Variants in POGLUT1 observed in about 807,000 individuals in gnomAD.
POGLUT1 encodes 9630046K23Rik.
In POGLUT1, 32 loss-of-function variants were observed where a neutral mutation model predicts 61.3. The observed-to-expected ratio is 0.52, with a 90% CI of 0.39 to 0.70. The LOEUF is 0.70. POGLUT1 is among the 30% of genes least tolerant of loss of function. The pLI is 0.00. For synonymous variants in POGLUT1, 158 were observed against 158.2 expected (o/e 1.00, Z 0.01); for missense variants, 411 against 469.8 (o/e 0.87, Z 1.16).
intron 3 of POGLUT1, among the ~76,000 whole-genome samples, chr3:119,472,537 A>G (rs192837606): frequency 3.1e-4 from 47 of 152,136 alleles, no homozygotes; most frequent in African/African-American, 1.1e-3. Flanking sequence ...ACCAACATGG[A>G]GAAACCCTGT....
intron 9 of POGLUT1, among the ~76,000 whole-genome samples, chr3:119,491,257 AT>A (rs1482728705): frequency 1.3e-5 from 2 of 148,420 alleles, no homozygotes; most frequent in East Asian, 3.9e-4. Flanking sequence ...AATATACAAA[AT>A]ATATGTAAAT....
intron 2 of POGLUT1, among the ~76,000 whole-genome samples, chr3:119,470,295 G>A (rs146394205): frequency 6.6e-6 from 1 of 152,190 alleles, no homozygotes; most frequent in African/African-American, 2.4e-5. Context: ...TGCACATCAG[G>A]CTGGGCATGG....
At chr3:119,471,522 A>C in intron 3 of POGLUT1, 70 bp downstream of exon 3, 1 of 1,391,984 alleles carries the variant, frequency 7.2e-7, no homozygotes, top group East Asian at 2.3e-5. Flanking sequence ...TTTATAGAGG[A>C]GCCAATTCAT....
intron 10 of POGLUT1, 146 bp from the exon 11 acceptor site, chr3:119,492,136 G>A (rs1189470020): frequency 1.1e-5 from 5 of 454,790 alleles, no homozygotes; most frequent in Non-Finnish European, 1.9e-5. Context: ...GGATATGATT[G>A]CCATAGGGTT....
At chr3:119,481,897 G>C (rs1560035537) in intron 5 of POGLUT1, among the ~76,000 whole-genome samples, 1 of 151,958 alleles carries the variant, frequency 6.6e-6, no homozygotes. Flanking sequence ...TTTTGAGAGG[G>C]GGGGAAAAAG....
chr3:119,475,544 GGCT>G (rs2081524734), intron 3 of POGLUT1, among the ~76,000 whole-genome samples: 1 of 152,186 alleles, frequency 6.6e-6, no homozygotes, highest in African/African-American at 2.4e-5. Context: ...TGGGTGAGGT[GGCT>G]CACGCCTGTT....
Position 119,471,416 on chromosome 3 carries a change from G to GA in POGLUT1, c.285dup (p.Leu96ThrfsTer6). On this transcript the variant is annotated frameshift_variant, in exon 3 of 11. Transcript: ENST00000295588. LOFTEE classifies it high-confidence loss of function. ...ACCCACTATCAGATCACTAAGAACA[G>GA]ACTGTACCGGGAAAATGACTGCATG... 6.2e-7 allele frequency: 1 copy of GA among 1,614,090 alleles called. No homozygotes were observed. Among genetic ancestry groups the GA allele is most frequent in the Non-Finnish European group, 8.5e-7 (1 of 1,179,952 alleles).
At chr3:119,479,037 C>A (rs2081576343) in intron 4 of POGLUT1, among the ~76,000 whole-genome samples, 1 of 152,140 alleles carries the variant, frequency 6.6e-6, no homozygotes. Context: ...TGATTCTCCA[C>A]CTCAGCCTCC....
chr3:119,488,378 G>C (rs924399917), intron 7 of POGLUT1: 1 of 152,034 alleles, frequency 6.6e-6, no homozygotes, highest in African/African-American at 2.4e-5. Context: ...AATACTAACA[G>C]TTCCAAATGT....
At chr3:119,485,660 G>A (rs2081656364) in intron 6 of POGLUT1, among the ~76,000 whole-genome samples, 2 of 152,230 alleles carry the variant, frequency 1.3e-5, no homozygotes, top group East Asian at 3.8e-4. Context: ...CATTGATTAT[G>A]TGATGCCAAA....
Position 119,469,850 on chromosome 3 carries a change from T to G in POGLUT1, c.116T>G (p.Ile39Ser), listed in dbSNP as rs1397761488. 1 of 1,605,262 alleles carries G rather than the reference T, an allele frequency of 6.2e-7. No individual in the cohort carries two copies. Among genetic ancestry groups the G allele is most frequent in the Non-Finnish European group, 8.5e-7 (1 of 1,171,880 alleles). Residue 39 changes from isoleucine to serine, a missense_variant, in exon 2 of 11, where the codon ATT (isoleucine) becomes AGT (serine). Coordinates refer to ENST00000295588, the MANE Select transcript of POGLUT1 (RefSeq NM_152305.3). Reference sequence around the variant, plus strand: ...AAATGGAAAGTATTTATTGACCAAATTAACAGGTCTTTGGAGAATTACGAA... The same window carrying G: ...AAATGGAAAGTATTTATTGACCAAAGTAACAGGTCTTTGGAGAATTACGAA... The part of the protein sequence containing the change: ...GSKWKVFIDQ[I>S]NRSLENYEPC...
chr3:119,488,955 G>T lies in POGLUT1; in HGVS notation c.765G>T (p.Lys255Asn). 6.3e-7 allele frequency: 1 copy of T among 1,593,582 alleles called. No homozygotes were observed. The change falls in exon 8 of 11, where the codon AAG (lysine) becomes AAT (asparagine). Residue 255 changes from lysine (K) to asparagine (N), a missense_variant. Physicochemically the swap from Lys to Asn is moderately conservative, Grantham distance 94. Coordinates refer to ENST00000295588, the MANE Select transcript of POGLUT1 (RefSeq NM_152305.3). ...MKDTLGKPAAKDVHLVDHCKY... is the reference protein window; with the variant it reads ...MKDTLGKPAANDVHLVDHCKY... Reference sequence around the variant, plus strand: ...ATACCTTAGGAAAGCCAGCTGCTAAGGATGTCCATCTTGTGGATCACTGCA... The same window carrying T: ...ATACCTTAGGAAAGCCAGCTGCTAATGATGTCCATCTTGTGGATCACTGCA...
intron 3 of POGLUT1, among the ~76,000 whole-genome samples, chr3:119,472,110 G>C (rs1159827502): frequency 1.3e-5 from 2 of 152,200 alleles, no homozygotes; most frequent in Non-Finnish European, 2.9e-5. Context: ...CTGAAGGCAG[G>C]GTGGTAAGCA....
intron 9 of POGLUT1, among the ~76,000 whole-genome samples, 196 bp from the exon 10 acceptor site, chr3:119,491,322 A>G (rs1448810121): frequency 6.7e-6 from 1 of 150,126 alleles, no homozygotes; most frequent in Non-Finnish European, 1.5e-5. Flanking sequence ...ACAATAGGGT[A>G]TCTTTAATCA....
At chr3:119,480,962 A>G (rs2081599579) in intron 5 of POGLUT1, among the ~76,000 whole-genome samples, 1 of 151,572 alleles carries the variant, frequency 6.6e-6, no homozygotes, top group Non-Finnish European at 1.5e-5. Flanking sequence ...CTGGTCTGGA[A>G]CTCCTGGCCT....
chr3:119,469,431 T>C lies in POGLUT1; in HGVS notation c.85+325T>C, dbSNP rs528084417. Among the ~76,000 whole-genome samples the C allele has an allele frequency of 2.4e-4, 36 of 152,288 alleles. No homozygotes were observed. In the South Asian group the frequency reaches 4.8e-3, roughly 20 times the overall value. ...CTGAGGGGTCGGGGATGGGGGCAAA[T>C]GTCGTGCGCGCGAGCGTGTGTGTAT... On this transcript the variant is annotated intron_variant, in intron 1 of 10. Transcript: ENST00000295588.
At chr3:119,469,773 A>G in intron 1 of POGLUT1, 47 bp from the exon 2 acceptor site, 1 of 982,734 alleles carries the variant, frequency 1.0e-6, no homozygotes, top group Non-Finnish European at 1.6e-6. Flanking sequence ...TCAGCAAATA[A>G]CATTCAGGAA....
At chr3:119,475,954 C>CCACACACACACACACACACACACA (rs539140166) in intron 3 of POGLUT1, among the ~76,000 whole-genome samples, 1 of 130,852 alleles carries the variant, frequency 7.6e-6, no homozygotes, top group Non-Finnish European at 1.6e-5. Context: ...GACTGTCTCT[C>CCACACACACACACACACACACACA]CACACACACA....
intron 3 of POGLUT1, among the ~76,000 whole-genome samples, chr3:119,475,402 G>T (rs2081523496): frequency 6.6e-6 from 1 of 152,132 alleles, no homozygotes; most frequent in Non-Finnish European, 1.5e-5. Flanking sequence ...TTGCTTTTTG[G>T]ATAACGCAAG....
Sources: allele counts gnomAD v4.1 joint callset (sites outside exome capture counted in the v4.1 genomes callset), GRCh38; gene constraint gnomAD v4.1.1; transcripts MANE v1.5; gene names NCBI Gene and HGNC (gene_info 2026-07-23, HGNC 2026-07-21).